Variants in FANCC observed in about 807,000 individuals in gnomAD.
FANCC encodes the protein Fanconi anemia group C protein.
FANCC carries 55 observed loss-of-function variants against 71.3 expected under a neutral mutation model. The ratio of observed to expected loss-of-function variants is 0.77; its 90% CI spans 0.62 to 0.97. The LOEUF is 0.97. Ranked by LOEUF, FANCC falls within the 50% of genes least tolerant of loss-of-function variation. The pLI, the probability that FANCC is intolerant of heterozygous loss-of-function variation, is 0.00. For missense variants in FANCC, 678 were observed against 670.9 expected (o/e 1.01, Z -0.12); for synonymous variants, 275 against 244.9 (o/e 1.12, Z -1.15).
chr9:95,166,437 A>C (rs657637), intron 6 of FANCC, among the ~76,000 whole-genome samples: 26,782 of 152,022 alleles, frequency 0.18, 2,548 homozygotes, highest in East Asian at 0.28. Flanking sequence ...TCTTAGAGTT[A>C]TAACAACCTA....
At chr9:95,133,181 G>A (rs896658930) in intron 8 of FANCC, among the ~76,000 whole-genome samples, 2 of 152,210 alleles carry the variant, frequency 1.3e-5, no homozygotes, top group African/African-American at 2.4e-5. Context: ...ACTTAGCCAC[G>A]TCACAGGCCT....
chr9:95,284,203 G>A (rs1369435691), intron 1 of FANCC, among the ~76,000 whole-genome samples: 2 of 152,200 alleles, frequency 1.3e-5, no homozygotes, highest in East Asian at 3.8e-4. Flanking sequence ...AGTCAACAGA[G>A]AGAATAAGCA....
chr9:95,298,991 T>C (rs1388128041), intron 1 of FANCC, among the ~76,000 whole-genome samples: 1 of 152,250 alleles, frequency 6.6e-6, no homozygotes, highest in African/African-American at 2.4e-5. Flanking sequence ...TTAAAAATAC[T>C]ACGGTATATA....
chr9:95,297,038 A>G (rs1834419513), intron 1 of FANCC, among the ~76,000 whole-genome samples: 1 of 152,236 alleles, frequency 6.6e-6, no homozygotes, highest in South Asian at 2.1e-4. Flanking sequence ...TACATAGTAC[A>G]GCAGACTAAG....
At chr9:95,119,990 G>GAAGT (rs2072741921) in intron 10 of FANCC, among the ~76,000 whole-genome samples, 2 of 113,506 alleles carry the variant, frequency 1.8e-5, no homozygotes, top group African/African-American at 6.9e-5. Flanking sequence ...TGGGATTACA[G>GAAGT]GAGTGAGCTA....
intron 1 of FANCC, among the ~76,000 whole-genome samples, chr9:95,285,220 C>T (rs1449795667): frequency 6.6e-6 from 1 of 151,878 alleles, no homozygotes; most frequent in East Asian, 1.9e-4. Flanking sequence ...GAGAATATAA[C>T]TATGATGGAA....
At chr9:95,148,779 CAG>C (rs1016450350) in intron 7 of FANCC, among the ~76,000 whole-genome samples, 41 of 152,196 alleles carry the variant, frequency 2.7e-4, no homozygotes, top group Admixed American at 2.7e-3. Context: ...TCTAATGTAA[CAG>C]AGTATGGAAA....
Position 95,110,389 on chromosome 9 carries a change from A to G in FANCC, c.1329+1074T>C, listed in dbSNP as rs188754191. On this transcript the variant is annotated intron_variant, in intron 13 of 14. Transcript: ENST00000289081. ...TTTAAAAACCATATGTGCCCCGTAC[A>G]TCTTATTACTGTTAAAAACATCAAC... 3.0e-5 allele frequency: 31 copies of G among 1,024,074 alleles called. No individual in the cohort carries two copies. The Admixed American group carries it at 1.0e-3, about 34-fold the overall frequency. 63.4% of individuals were successfully genotyped at this position (1,024,074 alleles called of 1,614,324 possible). A position where few individuals can be genotyped will look rare whatever the true frequency, so the allele number is the denominator to read the frequency against.
chr9:95,217,551 T>C (rs900991066), intron 4 of FANCC, among the ~76,000 whole-genome samples: 1 of 151,808 alleles, frequency 6.6e-6, no homozygotes, highest in Non-Finnish European at 1.5e-5. Flanking sequence ...CAAGGAAAAT[T>C]AGTAAATTTT....
chr9:95,202,228 G>C (rs1193150046), intron 4 of FANCC, among the ~76,000 whole-genome samples: 1 of 152,238 alleles, frequency 6.6e-6, no homozygotes, highest in Non-Finnish European at 1.5e-5. Context: ...GCTGCTGGCT[G>C]GGAAGAGAAC....
intron 4 of FANCC, among the ~76,000 whole-genome samples, chr9:95,200,616 C>T (rs1827747834): frequency 6.6e-6 from 1 of 152,170 alleles, no homozygotes; most frequent in Admixed American, 6.5e-5. Flanking sequence ...CTCATCTCAT[C>T]TATAACATGG....
At chr9:95,292,987 C>A in intron 1 of FANCC, 1 of 1,575,918 alleles carries the variant, frequency 6.3e-7, no homozygotes, top group Non-Finnish European at 8.7e-7. Context: ...GAGATCCCTG[C>A]AGAACACAGG....
chr9:95,127,379 A>G (rs1054049736), intron 8 of FANCC: 1 of 152,268 alleles, frequency 6.6e-6, no homozygotes, highest in African/African-American at 2.4e-5. Context: ...GGCACCAGGT[A>G]CCGGTTTCTT....
intron 4 of FANCC, among the ~76,000 whole-genome samples, chr9:95,194,731 C>T (rs998408197): frequency 6.6e-6 from 1 of 151,842 alleles, no homozygotes; most frequent in Non-Finnish European, 1.5e-5. Flanking sequence ...TTTGAGATTT[C>T]TTGATTATCT....
At chr9:95,229,700 T>C (rs1364622140) in intron 4 of FANCC, among the ~76,000 whole-genome samples, 1 of 151,976 alleles carries the variant, frequency 6.6e-6, no homozygotes, top group Non-Finnish European at 1.5e-5. Flanking sequence ...GCTGAAAATG[T>C]GGGGCTCAGG....
At chr9:95,170,260 C>T (rs1269963461) in intron 6 of FANCC, among the ~76,000 whole-genome samples, 3 of 152,090 alleles carry the variant, frequency 2.0e-5, no homozygotes, top group Admixed American at 6.5e-5. Context: ...TCTTACATTG[C>T]CAAATCCAAC....
At chr9:95,185,857 G>A (rs1011052162) in intron 4 of FANCC, among the ~76,000 whole-genome samples, 2 of 152,124 alleles carry the variant, frequency 1.3e-5, no homozygotes, top group Admixed American at 1.3e-4. Context: ...TCAACAAGTA[G>A]TCATTGACAA....
chr9:95,261,247 C>CT (rs1832027758), intron 1 of FANCC, among the ~76,000 whole-genome samples: 1 of 152,176 alleles, frequency 6.6e-6, no homozygotes, highest in Non-Finnish European at 1.5e-5. Context: ...AGATGTACTA[C>CT]TTTTTTATCG....
At chr9:95,108,722 G>C (rs1332372837) in intron 13 of FANCC, among the ~76,000 whole-genome samples, 1 of 152,184 alleles carries the variant, frequency 6.6e-6, no homozygotes, top group East Asian at 1.9e-4. Flanking sequence ...CCATTAAAAT[G>C]ATCTATAACT....
Sources: allele counts gnomAD v4.1 joint callset (sites outside exome capture counted in the v4.1 genomes callset), GRCh38; gene constraint gnomAD v4.1.1; transcripts MANE v1.5; gene names NCBI Gene and HGNC (gene_info 2026-07-23, HGNC 2026-07-21).